Variants in PLCG1 observed in about 807,000 individuals in gnomAD.
The protein encoded by PLCG1 is phospholipase C gamma 1.
PLCG1 carries 71 observed loss-of-function variants against 177.8 expected under a neutral mutation model. The ratio of observed to expected loss-of-function variants is 0.40; its 90% CI spans 0.33 to 0.49. The LOEUF (loss-of-function observed/expected upper bound fraction) is 0.49. Among genes scored for constraint, PLCG1 ranks in the 20% least tolerant of loss-of-function variants. PLCG1 has a pLI of 0.72. For synonymous variants in PLCG1, 658 were observed against 647.9 expected (o/e 1.02, Z -0.24); for missense variants, 1,281 against 1,709.0 (o/e 0.75, Z 4.42).
chr20:41,138,192 G>A (rs921441638), intron 1 of PLCG1, among the ~76,000 whole-genome samples: 1 of 152,170 alleles, frequency 6.6e-6, no homozygotes, highest in Non-Finnish European at 1.5e-5. Flanking sequence ...CGGCGTCGGC[G>A]AGGGGAGCTA....
chr20:41,168,956 TCCTGTGTG>T, intron 21 of PLCG1, 86 bp downstream of exon 21: 5 of 1,142,020 alleles, frequency 4.4e-6, no homozygotes, highest in Non-Finnish European at 5.3e-6. Context: ...TGTGCTTGTC[TCCTGTGTG>T]CACCAGCAGT....
rs761683308 is a variant in PLCG1 at position 41,172,406 on chromosome 20, C to A, written c.2906-15C>A. 12 of 1,611,756 alleles carry A rather than the reference C, an allele frequency of 7.4e-6. No individual in the cohort carries two copies. The African/African-American group carries it at 1.6e-4, about 22-fold the overall frequency. On this transcript the variant is annotated splice_polypyrimidine_tract_variant and intron_variant, in intron 25 of 31. Transcript: ENST00000685551. The surrounding 1 kb of genome is among the most constrained non-coding windows in gnomAD (Gnocchi z 7.0). ...GGTGGGCGGGCTCTGTAAGTGTTTT[C>A]CCTGTTTGGCCCAGAGATTGGCACA...
intron 1 of PLCG1, among the ~76,000 whole-genome samples, chr20:41,152,100 C>T (rs1427084706): frequency 6.6e-6 from 1 of 152,144 alleles, no homozygotes; most frequent in Non-Finnish European, 1.5e-5. Context: ...CTCCTAGGTC[C>T]TGGCTGTGTA....
Position 41,150,889 on chromosome 20 carries a change from C to T in PLCG1, c.218-8717C>T, listed in dbSNP as rs62210681. Among the ~76,000 whole-genome samples the T allele has an allele frequency of 6.6e-6, 1 of 152,210 alleles. No individual in the cohort carries two copies. Among genetic ancestry groups the T allele is most frequent in the Non-Finnish European group, 1.5e-5 (1 of 68,038 alleles). On this transcript the variant is annotated intron_variant, in intron 1 of 31. Coordinates refer to ENST00000685551, the MANE Select transcript of PLCG1 (RefSeq NM_002660.3). This position sits in a 1 kb window ranked among gnomAD's most constrained non-coding sequence, Gnocchi z 4.0. ...TGCATGACCTCATAGTTATCTGCTTCCCCATCTGTTTCCTCCATCAGGCAG... is the reference window on the plus strand; with the variant it reads ...TGCATGACCTCATAGTTATCTGCTTTCCCATCTGTTTCCTCCATCAGGCAG...
At position 41,137,995 on chromosome 20, in the gene PLCG1, G is replaced by A. The variant is rs531777864; in HGVS notation, c.217+137G>A. 4.1e-5 allele frequency: 22 copies of A among 535,302 alleles called. No individual in the cohort carries two copies. The highest frequency in any genetic ancestry group is 3.8e-4 in the African/African-American group (19 of 50,580). 33.2% of individuals were successfully genotyped at this position (535,302 alleles called of 1,614,324 possible). ...CCCTCCCAGACTCCCTCCGGGCCCCGCCCCCGCTTCGTCTCGGGTGGTCAC... is the reference window on the plus strand; with the variant it reads ...CCCTCCCAGACTCCCTCCGGGCCCCACCCCCGCTTCGTCTCGGGTGGTCAC... On this transcript the variant is annotated intron_variant, in intron 1 of 31. Coordinates refer to ENST00000685551, the MANE Select transcript of PLCG1 (RefSeq NM_002660.3). This position sits in a 1 kb window ranked among gnomAD's most constrained non-coding sequence, Gnocchi z 7.3.
In PLCG1 at chr20:41,173,821, C is replaced by T; in HGVS notation, c.3556+8C>T. The T allele has an allele frequency of 6.2e-7, 1 of 1,612,726 alleles. No homozygotes were observed. Among genetic ancestry groups the T allele is most frequent in the African/African-American group, 1.3e-5 (1 of 75,032 alleles). ...TAAAAGGCCTGAAGACAGGTGAGGA[C>T]CATTCCTGGAGGCAGTGCCCCTGCA... On this transcript the variant is annotated splice_region_variant and intron_variant, in intron 29 of 31. Transcript: ENST00000685551. This position sits in a 1 kb window ranked among gnomAD's most constrained non-coding sequence, Gnocchi z 6.2.
rs773688853 is a variant in PLCG1, at chr20:41,165,133, C to G, written c.1386+32C>G. 1 of 1,606,196 alleles carries G rather than the reference C, an allele frequency of 6.2e-7. No individual in the cohort carries two copies. The highest frequency in any genetic ancestry group is 8.5e-7 in the Non-Finnish European group (1 of 1,175,122). On this transcript the variant is annotated intron_variant, in intron 13 of 31. Transcript: ENST00000685551. This position sits in a 1 kb window ranked among gnomAD's most constrained non-coding sequence, Gnocchi z 6.6. Reference sequence around the variant, plus strand: ...TGGCGGGCTTATTGCGGAAGCCCCACACTTCTCAGTGCCTTGCCCAGGCCA... The same window carrying G: ...TGGCGGGCTTATTGCGGAAGCCCCAGACTTCTCAGTGCCTTGCCCAGGCCA...
rs1039933375 is a variant in PLCG1, at chr20:41,176,658, G to A, written c.*2149G>A. The A allele has an allele frequency of 6.6e-6, 1 of 152,164 alleles. No individual in the cohort carries two copies. Among genetic ancestry groups the A allele is most frequent in the Admixed American group, 6.5e-5 (1 of 15,272 alleles). The allele number at this position is 152,164 out of a possible 1,614,324, so 9.4% of individuals were successfully genotyped here. A position where few individuals can be genotyped will look rare whatever the true frequency, so the allele number is the denominator to read the frequency against. ...TGTAGACCTGAGGCTCACCTCTCTT[G>A]GGCTCTGTAAGACATTGCCTTTGCC... On this transcript the variant is annotated 3_prime_UTR_variant, in exon 32 of 32. Transcript: ENST00000685551.
chr20:41,164,061 A>G lies in PLCG1; in HGVS notation c.1097-20A>G. On this transcript the variant is annotated intron_variant, in intron 11 of 31. Coordinates refer to ENST00000685551, the MANE Select transcript of PLCG1 (RefSeq NM_002660.3). This position sits in a 1 kb window ranked among gnomAD's most constrained non-coding sequence, Gnocchi z 6.4. Reference sequence around the variant, plus strand: ...AGATGGGAGGCCTGCCCGCTTGACCATGGTGATGTTGCTCCCCAGTGGACT... The same window carrying G: ...AGATGGGAGGCCTGCCCGCTTGACCGTGGTGATGTTGCTCCCCAGTGGACT... 1 of 1,614,138 alleles carries G rather than the reference A, an allele frequency of 6.2e-7. No individual in the cohort carries two copies. The highest frequency in any genetic ancestry group is 8.5e-7 in the Non-Finnish European group (1 of 1,180,026).
Position 41,166,250 on chromosome 20 carries a change from C to G in PLCG1, c.1856C>G (p.Pro619Arg). The change falls in exon 17 of 32, where the codon CCC becomes CGC. Residue 619 changes from proline (P) to arginine (R), a missense_variant. By Grantham distance (103) the Pro-to-Arg change is moderately radical (BLOSUM62 -2). Coordinates refer to ENST00000685551, the MANE Select transcript of PLCG1 (RefSeq NM_002660.3). This position sits in a 1 kb window ranked among gnomAD's most constrained non-coding sequence, Gnocchi z 8.6. The stretch of plus-strand genomic sequence containing the variant: ...CACTCCCGGCAAGATGCTGGGACCC[C>G]CAAGTTCTTCTTGACAGACAACCTC... ...RIHSRQDAGT[P>R]KFFLTDNLVF... 2 of 1,614,160 alleles carry G rather than the reference C, an allele frequency of 1.2e-6. No individual in the cohort carries two copies. Among genetic ancestry groups the G allele is most frequent in the Non-Finnish European group, 1.7e-6 (2 of 1,180,042 alleles).
rs781084860 is a variant in PLCG1, at chr20:41,169,163, G to T, written c.2568G>T (p.Glu856Asp). The T allele has an allele frequency of 7.4e-6, 12 of 1,611,538 alleles. No individual in the cohort carries two copies. The South Asian group carries it at 1.3e-4, about 18-fold the overall frequency. ...AGATGGTCAACCCCGTGGCCCTGGA[G>T]CCGGAGAGGGAGGTAAGACCAGAAC... Reference protein sequence around the residue: ...VEEMVNPVALEPEREHLDENS... With the variant: ...VEEMVNPVALDPEREHLDENS... The change falls in exon 22 of 32, where the codon GAG becomes GAT. Residue 856 changes from glutamate to aspartate, a missense_variant. Physicochemically the swap from Glu to Asp is conservative, Grantham distance 45 (BLOSUM62 2). Coordinates refer to ENST00000685551, the MANE Select transcript of PLCG1 (RefSeq NM_002660.3).
In PLCG1 at chr20:41,147,033, TG is replaced by T. The variant is rs1165818704; in HGVS notation, c.217+9177del. The stretch of plus-strand genomic sequence containing the variant: ...TGGGCAGCGATGGGGGCAGGGGTGA[TG>T]GTCCTTCTCTGAGGCACTGAAGACC... On this transcript the variant is annotated intron_variant, in intron 1 of 31. Transcript: ENST00000685551. The surrounding 1 kb of genome is among the most constrained non-coding windows in gnomAD (Gnocchi z 4.0). 1.3e-5 allele frequency among the ~76,000 whole-genome samples: 2 copies of T among 152,164 alleles called. No homozygotes were observed. The highest frequency in any genetic ancestry group is 3.8e-4 in the East Asian group (2 of 5,200).
chr20:41,167,813 T>C lies in PLCG1; in HGVS notation c.2302-39T>C. ...CAGTAGCTGCTTTCTACCTCTGGGC[T>C]CTGGGGCATTAACATATCCCATTGT... On this transcript the variant is annotated intron_variant, in intron 19 of 31. Coordinates refer to ENST00000685551, the MANE Select transcript of PLCG1 (RefSeq NM_002660.3). The surrounding 1 kb of genome is among the most constrained non-coding windows in gnomAD (Gnocchi z 4.4). The C allele has an allele frequency of 6.3e-6, 9 of 1,420,508 alleles. No homozygotes were observed. The highest frequency in any genetic ancestry group is 8.0e-6 in the Non-Finnish European group (8 of 1,003,852). The allele number at this position is 1,420,508 out of a possible 1,614,324, so 88.0% of individuals were successfully genotyped here.
intron 20 of PLCG1, 82 bp from the exon 21 acceptor site, chr20:41,168,685 A>T: frequency 2.5e-6 from 2 of 814,134 alleles, no homozygotes; most frequent in South Asian, 1.5e-5. Flanking sequence ...GCCCAAGCAC[A>T]TGTGTGTGTG....
In PLCG1 at chr20:41,172,858, C is replaced by T. The variant is rs2035947021; in HGVS notation, c.3260C>T (p.Pro1087Leu). 21 of 1,614,050 alleles carry T rather than the reference C, an allele frequency of 1.3e-5. No homozygotes were observed. Among genetic ancestry groups the T allele is most frequent in the Non-Finnish European group, 1.7e-5 (20 of 1,179,994 alleles). ...AAGAGCAGCCTCCGCGGGCTGGAGC[C>T]ATGTGCCATCTCTATTGAGGTGGGT... The part of the protein sequence containing the change: ...FDKSSLRGLE[P>L]CAISIEVLGA... The change falls in exon 27 of 32, where the codon CCA becomes CTA. Residue 1087 changes from proline to leucine, a missense_variant. By Grantham distance (98) the Pro-to-Leu change is moderately conservative. This residue lies in a region of PLCG1 where 723 missense variants were observed against 1,030.0 expected (regional missense o/e 0.70). Coordinates refer to ENST00000685551, the MANE Select transcript of PLCG1 (RefSeq NM_002660.3). The surrounding 1 kb of genome is among the most constrained non-coding windows in gnomAD (Gnocchi z 7.0).
rs1170743449 is a variant in PLCG1 at position 41,147,851 on chromosome 20, A to T, written c.217+9993A>T. Reference sequence around the variant, plus strand: ...TGACAGAGCAAGACTCTGTCTCTTTAAAAAAAAAAAAAAATTTAAGCTGGG... The same window carrying T: ...TGACAGAGCAAGACTCTGTCTCTTTTAAAAAAAAAAAAAATTTAAGCTGGG... On this transcript the variant is annotated intron_variant, in intron 1 of 31. Coordinates refer to ENST00000685551, the MANE Select transcript of PLCG1 (RefSeq NM_002660.3). This position sits in a 1 kb window ranked among gnomAD's most constrained non-coding sequence, Gnocchi z 4.0. 2.8e-5 allele frequency among the ~76,000 whole-genome samples: 4 copies of T among 143,708 alleles called. No individual in the cohort carries two copies. Among genetic ancestry groups the T allele is most frequent in the African/African-American group, 5.1e-5 (2 of 39,574 alleles). 94.3% of individuals were successfully genotyped at this position (143,708 alleles called of 152,430 possible).
Position 41,177,110 on chromosome 20 carries a change from G to A in PLCG1, c.*2601G>A, listed in dbSNP as rs1166245902. On this transcript the variant is annotated 3_prime_UTR_variant, in exon 32 of 32. Coordinates refer to ENST00000685551, the MANE Select transcript of PLCG1 (RefSeq NM_002660.3). The stretch of plus-strand genomic sequence containing the variant: ...AAAAGAGCAGGCAGGGCCGGGAGAG[G>A]GAAGTCAGTGGTACCAGAAGGTAGA... 6.6e-6 allele frequency: 1 copy of A among 152,256 alleles called. No homozygotes were observed. 9.4% of individuals were successfully genotyped at this position (152,256 alleles called of 1,614,324 possible). A position where few individuals can be genotyped will look rare whatever the true frequency, so the allele number is the denominator to read the frequency against.
At position 41,165,992 on chromosome 20, in the gene PLCG1, C is replaced by CT. The variant is rs929910637; in HGVS notation, c.1799+166_1799+167insT. On this transcript the variant is annotated intron_variant, in intron 16 of 31. Transcript: ENST00000685551. The surrounding 1 kb of genome is among the most constrained non-coding windows in gnomAD (Gnocchi z 6.6). ...TACACACACACACTCTCTGTCTCAC[C>CT]CCCCCCCCATACCCCTCCCTTTTCG... 3.0e-6 allele frequency: 2 copies of CT among 660,442 alleles called. No homozygotes were observed. The highest frequency in any genetic ancestry group is 4.9e-6 in the Non-Finnish European group (2 of 408,802). 40.9% of individuals were successfully genotyped at this position (660,442 alleles called of 1,614,324 possible). A position where few individuals can be genotyped will look rare whatever the true frequency, so the allele number is the denominator to read the frequency against.
rs778521353 is a variant in PLCG1, at chr20:41,166,751, C to T, written c.2193C>T (p.Phe731=). ...CAGTGATGCTAGGGAACTCGGAGTT[C>T]GACAGCCTTGTTGACCTCATCAGCT... ...GQTVMLGNSE[F]DSLVDLISYY... Residue 731 remains phenylalanine (F), a synonymous_variant, in exon 19 of 32, where the codon TTC becomes TTT. Transcript: ENST00000685551. This position sits in a 1 kb window ranked among gnomAD's most constrained non-coding sequence, Gnocchi z 8.6. 7.2e-5 allele frequency: 117 copies of T among 1,613,912 alleles called. No homozygotes were observed. Among genetic ancestry groups the T allele is most frequent in the Non-Finnish European group, 9.2e-5 (108 of 1,179,968 alleles).
Sources: gnomAD v4.1 joint callset for allele counts (sites outside exome capture counted in the v4.1 genomes callset) on GRCh38, gnomAD v4.1.1 for gene constraint, gnomAD v4.1.1 regional missense constraint, Gnocchi (gnomAD v3.1) non-coding constraint, MANE v1.5 for transcripts, NCBI Gene and HGNC (gene_info 2026-07-23, HGNC 2026-07-21) for gene names.